Variants in PDLIM5 observed in about 807,000 individuals in gnomAD.
The protein encoded by PDLIM5 is PDZ and LIM domain protein 5.
Under a neutral mutation model 64.2 loss-of-function variants are expected in PDLIM5, and 34 were observed. The ratio of observed to expected loss-of-function variants is 0.53; its 90% CI spans 0.40 to 0.71. The LOEUF (loss-of-function observed/expected upper bound fraction) is 0.71. Among genes scored for constraint, PDLIM5 ranks in the 30% least tolerant of loss-of-function variants. The probability of loss-of-function intolerance (pLI) is 0.00; values close to 1 mark genes in which losing one functional copy is unlikely to be tolerated. For synonymous variants in PDLIM5, 253 were observed against 269.1 expected (o/e 0.94, Z 0.59); for missense variants, 683 against 733.6 (o/e 0.93, Z 0.80).
chr4:94,478,210 C>T (rs541958578), intron 2 of PDLIM5, among the ~76,000 whole-genome samples: 1 of 145,086 alleles, frequency 6.9e-6, no homozygotes, highest in Admixed American at 7.0e-5. Context: ...GAGCCAAGAT[C>T]ACGGTATTGC....
At chr4:94,550,635 C>T (rs948141449) in intron 3 of PDLIM5, among the ~76,000 whole-genome samples, 10 of 152,074 alleles carry the variant, frequency 6.6e-5, no homozygotes, top group Non-Finnish European at 1.5e-4. Context: ...CTTGCAAGTC[C>T]ATAAATATCT....
chr4:94,488,562 T>C (rs1230134554), intron 2 of PDLIM5, among the ~76,000 whole-genome samples: 1 of 152,214 alleles, frequency 6.6e-6, no homozygotes, highest in African/African-American at 2.4e-5. Flanking sequence ...TTTAAATGCA[T>C]ACCGTAAGTA....
rs373836829 is a variant in PDLIM5 at position 94,510,046 on chromosome 4, T to C, written c.97-13678T>C. 1.1e-4 allele frequency among the ~76,000 whole-genome samples: 17 copies of C among 152,348 alleles called. 1 individual carries two copies. Among genetic ancestry groups the C allele is most frequent in the East Asian group, 3.9e-4 (2 of 5,186 alleles). ...TACAGTCATCAGCATCTGGCACTTA[T>C]GTAATCACTCAGTAAACGTATAGTA... On this transcript the variant is annotated intron_variant, in intron 2 of 12. Transcript: ENST00000317968.
At chr4:94,615,472 G>C (rs114668066) in intron 7 of PDLIM5, among the ~76,000 whole-genome samples, 1 of 152,048 alleles carries the variant, frequency 6.6e-6, no homozygotes, top group Non-Finnish European at 1.5e-5. Context: ...GATGTGGATG[G>C]GTGCAGAGAG....
intron 2 of PDLIM5, among the ~76,000 whole-genome samples, chr4:94,481,451 T>G (rs1725841963): frequency 2.0e-5 from 3 of 151,828 alleles, no homozygotes; most frequent in Admixed American, 2.0e-4. Context: ...GCCCAGCTAA[T>G]TTTTGTATTT....
chr4:94,657,361 T>G, intron 10 of PDLIM5, 66 bp from the exon 11 acceptor site: 1 of 1,154,938 alleles, frequency 8.7e-7, no homozygotes, highest in Non-Finnish European at 1.3e-6. Context: ...GTACAGATAT[T>G]AGAATAAACA....
In PDLIM5 at chr4:94,512,363, A is replaced by G. The variant is rs556484110; in HGVS notation, c.97-11361A>G. On this transcript the variant is annotated intron_variant, in intron 2 of 12. Transcript: ENST00000317968. ...TTGAGGAGCCTTCAAACTGTTCTCCATAGTGTTGTACTAATTTACGTTCCC... is the reference window on the plus strand; with the variant it reads ...TTGAGGAGCCTTCAAACTGTTCTCCGTAGTGTTGTACTAATTTACGTTCCC... Among the ~76,000 whole-genome samples the G allele has an allele frequency of 3.3e-5, 5 of 152,216 alleles. No individual in the cohort carries two copies. In the South Asian group the frequency reaches 1.0e-3, roughly 32 times the overall value.
chr4:94,521,879 T>G (rs1180033640), intron 2 of PDLIM5, among the ~76,000 whole-genome samples: 2 of 152,128 alleles, frequency 1.3e-5, no homozygotes, highest in African/African-American at 4.8e-5. Flanking sequence ...CCTTCTTTGC[T>G]AAAATAAAAT....
intron 7 of PDLIM5, among the ~76,000 whole-genome samples, chr4:94,602,728 T>C (rs1737604368): frequency 1.3e-5 from 2 of 152,116 alleles, no homozygotes; most frequent in Admixed American, 6.5e-5. Flanking sequence ...AGTGCTGGGA[T>C]TGCAGGTGTG....
chr4:94,491,450 G>GT (rs1382009625), intron 2 of PDLIM5, among the ~76,000 whole-genome samples: 1 of 152,028 alleles, frequency 6.6e-6, no homozygotes, highest in Non-Finnish European at 1.5e-5. Flanking sequence ...ATTGAATATT[G>GT]AATAATCTCT....
At chr4:94,608,973 C>A (rs1738143976) in intron 7 of PDLIM5, among the ~76,000 whole-genome samples, 1 of 152,064 alleles carries the variant, frequency 6.6e-6, no homozygotes, top group Admixed American at 6.6e-5. Context: ...CTTAGATAGA[C>A]CAAAAGAAAA....
At chr4:94,604,585 G>A (rs1737762449) in intron 7 of PDLIM5, among the ~76,000 whole-genome samples, 1 of 152,156 alleles carries the variant, frequency 6.6e-6, no homozygotes, top group South Asian at 2.1e-4. Context: ...AGTGAGCCGG[G>A]ATTGTGCCAC....
chr4:94,552,575 C>A (rs1732903525), intron 3 of PDLIM5, among the ~76,000 whole-genome samples: 1 of 151,380 alleles, frequency 6.6e-6, no homozygotes, highest in African/African-American at 2.4e-5. Flanking sequence ...GCATATGATC[C>A]CAATAGAGAA....
chr4:94,628,567 A>G (rs1383154721), intron 8 of PDLIM5, among the ~76,000 whole-genome samples: 1 of 151,596 alleles, frequency 6.6e-6, no homozygotes, highest in African/African-American at 2.4e-5. Context: ...CATGATTAGA[A>G]CTCTATTTAT....
At chr4:94,536,924 T>A (rs1037024488) in intron 3 of PDLIM5, among the ~76,000 whole-genome samples, 12 of 152,228 alleles carry the variant, frequency 7.9e-5, no homozygotes, top group African/African-American at 2.9e-4. Context: ...TGATTGGCCA[T>A]GCAAAACACG....
At chr4:94,568,841 T>C (rs1734562757) in intron 3 of PDLIM5, among the ~76,000 whole-genome samples, 1 of 152,190 alleles carries the variant, frequency 6.6e-6, no homozygotes, top group African/African-American at 2.4e-5. Flanking sequence ...TTAAAATAAA[T>C]GTACCTAAGG....
chr4:94,618,970 C>T (rs1423492451), intron 8 of PDLIM5, among the ~76,000 whole-genome samples: 1 of 152,160 alleles, frequency 6.6e-6, no homozygotes, highest in Non-Finnish European at 1.5e-5. Flanking sequence ...ATCTCTCATC[C>T]AGGTTCCTTT....
chr4:94,588,130 T>G, intron 7 of PDLIM5: 1 of 950,286 alleles, frequency 1.1e-6, no homozygotes, highest in Non-Finnish European at 1.3e-6. Context: ...TTAACTTAGC[T>G]TTGTACTTGT....
intron 3 of PDLIM5, among the ~76,000 whole-genome samples, chr4:94,550,866 T>C (rs972949006): frequency 1.3e-5 from 2 of 152,162 alleles, no homozygotes. Context: ...AGTATGTGAC[T>C]TTTCTTTGAA....
Sources: gnomAD v4.1 joint callset for allele counts (sites outside exome capture counted in the v4.1 genomes callset) on GRCh38, gnomAD v4.1.1 for gene constraint, MANE v1.5 for transcripts, NCBI Gene and HGNC (gene_info 2026-07-23, HGNC 2026-07-21) for gene names.